SASH1: variants seen among roughly 807,000 people sequenced by gnomAD.
SASH1 encodes SAM and SH3 domain containing 1.
Under a neutral mutation model 125.2 loss-of-function variants are expected in SASH1, and 44 were observed. That is an observed-to-expected ratio of 0.35 (90% CI 0.28 to 0.45). The LOEUF (loss-of-function observed/expected upper bound fraction) is 0.45, where lower values mean the gene tolerates loss of function less well. Ranked by LOEUF, SASH1 falls within the 20% of genes least tolerant of loss-of-function variation. The probability of loss-of-function intolerance (pLI) is 1.00; values close to 1 mark genes in which losing one functional copy is unlikely to be tolerated. For missense variants in SASH1, 1,426 were observed against 1,614.5 expected (o/e 0.88, Z 2.00); for synonymous variants, 639 against 649.1 (o/e 0.98, Z 0.24).
At chr6:148,461,739 T>C (rs1234109458) in intron 4 of SASH1, among the ~76,000 whole-genome samples, 2 of 152,180 alleles carry the variant, frequency 1.3e-5, no homozygotes, top group Non-Finnish European at 2.9e-5. Context: ...ATAGTATGAA[T>C]TGAATTTTGT....
chr6:148,465,397 C>G (rs953224139), intron 4 of SASH1, among the ~76,000 whole-genome samples: 7 of 151,916 alleles, frequency 4.6e-5, no homozygotes, highest in African/African-American at 1.7e-4. Flanking sequence ...ACTAAAAATA[C>G]AAAAATTAGC....
the SASH1 span, among the ~76,000 whole-genome samples, chr6:148,243,539 A>G: frequency 6.7e-6 from 1 of 149,182 alleles, no homozygotes; most frequent in Non-Finnish European, 1.5e-5. Flanking sequence ...GCTACTCAGG[A>G]GGCTGAGGCA....
At chr6:148,501,954 C>G (rs1194263742) in intron 8 of SASH1, among the ~76,000 whole-genome samples, 3 of 152,186 alleles carry the variant, frequency 2.0e-5, no homozygotes, top group African/African-American at 7.2e-5. Flanking sequence ...AACATAACAT[C>G]CATTTGCTGC....
chr6:148,255,883 C>G, the SASH1 span, among the ~76,000 whole-genome samples: 58 of 152,300 alleles, frequency 3.8e-4, no homozygotes, highest in African/African-American at 1.3e-3. Flanking sequence ...CTCAAGCAAT[C>G]TACCCGCCTC....
At chr6:148,229,908 C>T in the SASH1 span, among the ~76,000 whole-genome samples, 2 of 151,968 alleles carry the variant, frequency 1.3e-5, no homozygotes, top group Admixed American at 6.6e-5. Flanking sequence ...GACGGGGTTT[C>T]GCCATGTTAG....
intron 9 of SASH1, 29 bp downstream of exon 9, chr6:148,514,485 A>AAAAAAAAAC: frequency 7.9e-7 from 1 of 1,271,138 alleles, no homozygotes; most frequent in Non-Finnish European, 1.0e-6. Flanking sequence ...AAAAAAAAAA[A>AAAAAAAAAC]AGGCAGACTC....
the SASH1 span, among the ~76,000 whole-genome samples, chr6:148,209,075 A>G: frequency 2.0e-5 from 3 of 152,218 alleles, no homozygotes; most frequent in Non-Finnish European, 4.4e-5. Flanking sequence ...AAAACCCTTC[A>G]GGGAATCTGT....
the SASH1 span, among the ~76,000 whole-genome samples, chr6:148,252,200 G>A: frequency 6.6e-6 from 1 of 151,850 alleles, no homozygotes; most frequent in Admixed American, 6.6e-5. Flanking sequence ...AATCCCTAGT[G>A]GAATTCTCAG....
At chr6:148,213,707 A>G in the SASH1 span, among the ~76,000 whole-genome samples, 2 of 152,112 alleles carry the variant, frequency 1.3e-5, no homozygotes, top group East Asian at 1.9e-4. Context: ...GGTCGCTTTC[A>G]GTTCAGGATC....
At chr6:148,435,378 CAAA>C (rs35272119) in intron 2 of SASH1, among the ~76,000 whole-genome samples, 156 of 104,380 alleles carry the variant, frequency 1.5e-3, no homozygotes, top group East Asian at 9.7e-3. Context: ...GACTCTGACT[CAAA>C]AAAAAAAAAA....
chr6:148,297,983 T>C (rs951772768), intron 1 of SASH1, among the ~76,000 whole-genome samples: 1 of 151,924 alleles, frequency 6.6e-6, no homozygotes. Context: ...AATGAATTAT[T>C]GATTTGCAAC....
chr6:148,393,711 C>T, intron 2 of SASH1: 2 of 985,330 alleles, frequency 2.0e-6, no homozygotes, highest in Non-Finnish European at 2.4e-6. Flanking sequence ...AGAAGACAGT[C>T]TGGGGGGAGA....
At chr6:148,258,627 G>A in the SASH1 span, among the ~76,000 whole-genome samples, 4 of 152,102 alleles carry the variant, frequency 2.6e-5, no homozygotes, top group Non-Finnish European at 4.4e-5. Context: ...TATTGAAAAG[G>A]GAACCACAGA....
At chr6:148,397,136 A>G (rs1345633344) in intron 2 of SASH1, among the ~76,000 whole-genome samples, 1 of 152,166 alleles carries the variant, frequency 6.6e-6, no homozygotes, top group African/African-American at 2.4e-5. Context: ...GCATCCTGCC[A>G]TTGTTTCATC....
At chr6:148,405,954 G>A (rs1784354067) in intron 2 of SASH1, among the ~76,000 whole-genome samples, 1 of 152,158 alleles carries the variant, frequency 6.6e-6, no homozygotes, top group Non-Finnish European at 1.5e-5. Flanking sequence ...TGTAATCTTT[G>A]GACTCCAGTT....
the SASH1 span, among the ~76,000 whole-genome samples, chr6:148,256,601 C>A: frequency 3.9e-5 from 6 of 152,244 alleles, no homozygotes; most frequent in East Asian, 1.2e-3. Flanking sequence ...TGTATGCTTG[C>A]AAATTTTTCC....
rs112607784 is a variant in SASH1 at position 148,386,928 on chromosome 6, A to G, written c.157-3206A>G. ...CTTTGTTTCTTTGAAGTATCAGCAA[A>G]CAAACATCCCTAGGTGAATCAAGGA... On this transcript the variant is annotated intron_variant, in intron 1 of 19. Coordinates refer to ENST00000367467, the MANE Select transcript of SASH1 (RefSeq NM_015278.5). Among the ~76,000 whole-genome samples, 251 of 152,158 alleles carry G rather than the reference A, an allele frequency of 1.6e-3. 2 individuals are homozygous for G. The Middle Eastern group carries it at 0.017, about 10-fold the overall frequency.
chr6:148,223,645 A>C, the SASH1 span, among the ~76,000 whole-genome samples: 1 of 152,208 alleles, frequency 6.6e-6, no homozygotes, highest in Admixed American at 6.5e-5. Context: ...TATTTTTTTA[A>C]CTAGAGGGTA....
At position 148,550,836 on chromosome 6, in the gene SASH1, C is replaced by A. The variant is rs1228556388; in HGVS notation, c.*2278C>A. 1 of 152,240 alleles carries A rather than the reference C, an allele frequency of 6.6e-6. No individual in the cohort carries two copies. 9.4% of individuals were successfully genotyped at this position (152,240 alleles called of 1,614,324 possible). A position where few individuals can be genotyped will look rare whatever the true frequency, so the allele number is the denominator to read the frequency against. On this transcript the variant is annotated 3_prime_UTR_variant, in exon 20 of 20. Transcript: ENST00000367467. ...ATTGTTTAAGCTGAGCAAAAAACCACACAAAAGTTGTGTAAGAGATGAGAT... is the reference window on the plus strand; with the variant it reads ...ATTGTTTAAGCTGAGCAAAAAACCAAACAAAAGTTGTGTAAGAGATGAGAT...
Sources: allele counts gnomAD v4.1 joint callset (sites outside exome capture counted in the v4.1 genomes callset), GRCh38; gene constraint gnomAD v4.1.1; transcripts MANE v1.5; gene names NCBI Gene and HGNC (gene_info 2026-07-23, HGNC 2026-07-21).